SMIM23: variants seen among roughly 807,000 people sequenced by gnomAD.
SMIM23 encodes CTB-78H18.1.
SMIM23 carries 10 observed loss-of-function variants against 12.8 expected under a neutral mutation model. The ratio of observed to expected loss-of-function variants is 0.78; its 90% confidence interval spans 0.48 to 1.32. The LOEUF (loss-of-function observed/expected upper bound fraction) is 1.32. Among genes scored for constraint, SMIM23 ranks in the 40% most tolerant of loss-of-function variants. The pLI is 0.00. For missense variants in SMIM23, 184 were observed against 198.2 expected, an observed-to-expected ratio of 0.93 and a Z score of 0.43; for synonymous variants, 78 against 80.1, an observed-to-expected ratio of 0.97 and a Z score of 0.14.
chr5:171,783,169 A>C (rs1755756585), upstream of SMIM23, among the ~76,000 whole-genome samples: 1 of 152,254 alleles, frequency 6.6e-6, no homozygotes, highest in Admixed American at 6.5e-5. Context: ...CGGAAGACCT[A>C]AATAAATGAA....
At chr5:171,783,807 A>G (rs1385592404), upstream of SMIM23, among the ~76,000 whole-genome samples, 5 of 152,264 alleles carry the variant, frequency 3.3e-5, no homozygotes, top group Admixed American at 2.0e-4. Flanking sequence ...CATATATCCT[A>G]AGAAGGACTA....
At chr5:171,781,280 T>C (rs1755721281), upstream of SMIM23, among the ~76,000 whole-genome samples, 1 of 152,228 alleles carries the variant, frequency 6.6e-6, no homozygotes, top group Non-Finnish European at 1.5e-5. Context: ...CCAATCATGT[T>C]CAAGATGGCG....
chr5:171,779,545 T>A (rs745796736), upstream of SMIM23, among the ~76,000 whole-genome samples: 12 of 152,240 alleles, frequency 7.9e-5, no homozygotes, highest in South Asian at 2.5e-3. Flanking sequence ...TCTTCTCCCC[T>A]CCAGCTAGCC....
upstream of SMIM23, among the ~76,000 whole-genome samples, chr5:171,778,212 C>T (rs557365336): frequency 9.4e-4 from 143 of 152,146 alleles, 4 homozygotes; most frequent in African/African-American, 3.3e-3. Context: ...CAAAAATTTG[C>T]CAAGCATGAT....
chr5:171,790,577 G>A, intron 3 of SMIM23, 28 bp downstream of exon 3: 1 of 1,532,562 alleles, frequency 6.5e-7, no homozygotes. Flanking sequence ...GTACTGAGGT[G>A]AGGCAATCTG....
upstream of SMIM23, among the ~76,000 whole-genome samples, chr5:171,784,348 AC>A (rs1290692483): frequency 6.6e-6 from 1 of 152,112 alleles, no homozygotes; most frequent in Non-Finnish European, 1.5e-5. Flanking sequence ...TACTAAAAAT[AC>A]AAAAAATTAG....
At chr5:171,774,552 G>C in the SMIM23 span, 2 of 456,126 alleles carry the variant, frequency 4.4e-6, no homozygotes, top group South Asian at 3.1e-5. Context: ...GAAGTTCCTT[G>C]CGGGTTTATC....
the SMIM23 span, chr5:171,774,722 A>T: frequency 2.5e-6 from 1 of 406,360 alleles, no homozygotes; most frequent in Non-Finnish European, 4.9e-6. Flanking sequence ...TCCTTATAAA[A>T]GCACAACCTG....
intron 1 of SMIM23, among the ~76,000 whole-genome samples, chr5:171,788,547 G>A (rs574025161): frequency 6.6e-6 from 1 of 152,006 alleles, no homozygotes; most frequent in South Asian, 2.1e-4. Context: ...ACTCTTACAG[G>A]CATTAAAAGA....
chr5:171,789,571 T>C (rs1040029529), intron 1 of SMIM23, among the ~76,000 whole-genome samples: 1 of 152,218 alleles, frequency 6.6e-6, no homozygotes, highest in Non-Finnish European at 1.5e-5. Context: ...TCTATGTTCA[T>C]ATAAAATAAA....
At chr5:171,790,729 G>A in intron 3 of SMIM23, 66 bp from the exon 4 acceptor site, 1 of 1,515,390 alleles carries the variant, frequency 6.6e-7, no homozygotes, top group Non-Finnish European at 8.8e-7. Context: ...TTTGAAACCA[G>A]TGGGGATGGG....
At chr5:171,789,508 C>T (rs947191213) in intron 1 of SMIM23, among the ~76,000 whole-genome samples, 1 of 152,158 alleles carries the variant, frequency 6.6e-6, no homozygotes, top group Non-Finnish European at 1.5e-5. Context: ...TAGCCCCAAA[C>T]TGGAAACAAG....
Position 171,785,904 on chromosome 5 carries a change from G to T in SMIM23, c.33G>T (p.Gln11His). 1 of 1,536,266 alleles carries T rather than the reference G, an allele frequency of 6.5e-7. No individual in the cohort carries two copies. Among genetic ancestry groups the T allele is most frequent in the Non-Finnish European group, 8.7e-7 (1 of 1,146,932 alleles). Residue 11 changes from glutamine (Q) to histidine (H), a missense_variant, in exon 1 of 4, where the codon CAG (glutamine) becomes CAT (histidine). By Grantham distance (24) the Gln-to-His change is conservative. Coordinates refer to ENST00000523047, the MANE Select transcript of SMIM23 (RefSeq NM_001289970.2). The part of the protein sequence containing the change: MATQQVDSRR[Q>H]VAAEQVAAQL... ...CCCAGCAAGTGGACAGCAGAAGGCA[G>T]GTGGCAGCAGAGCAGGTGGCAGCCC... is the stretch of plus-strand genomic sequence containing the variant.
At chr5:171,788,840 GA>G (rs960175146) in intron 1 of SMIM23, among the ~76,000 whole-genome samples, 2 of 151,650 alleles carry the variant, frequency 1.3e-5, no homozygotes, top group African/African-American at 4.9e-5. Flanking sequence ...CAAACGTGTA[GA>G]AAAAAAAATT....
At chr5:171,780,123 T>C (rs777526764), upstream of SMIM23, among the ~76,000 whole-genome samples, 7 of 152,156 alleles carry the variant, frequency 4.6e-5, no homozygotes, top group African/African-American at 7.2e-5. Flanking sequence ...TCTCCACTTA[T>C]TAGGTTTGGG....
At chr5:171,782,726 G>A (rs1032326892), upstream of SMIM23, 4 of 152,234 alleles carry the variant, frequency 2.6e-5, no homozygotes, top group South Asian at 2.1e-4. Flanking sequence ...AGAGCCTGCA[G>A]TTTGAGACCG....
upstream of SMIM23, among the ~76,000 whole-genome samples, chr5:171,777,775 C>A (rs1197089122): frequency 1.3e-5 from 2 of 152,200 alleles, no homozygotes; most frequent in Non-Finnish European, 2.9e-5. Context: ...CAACACTCAG[C>A]TGCTCCATCC....
chr5:171,779,769 G>A (rs774563609), upstream of SMIM23, among the ~76,000 whole-genome samples: 22 of 152,080 alleles, frequency 1.4e-4, no homozygotes, highest in Non-Finnish European at 3.1e-4. Context: ...AGGAGAAAAG[G>A]AGGCAGGAGT....
At chr5:171,774,030 G>C in the SMIM23 span, 1 of 362,044 alleles carries the variant, frequency 2.8e-6, no homozygotes, top group Non-Finnish European at 5.4e-6. Context: ...TGTGTGGTTT[G>C]GTGGCTATGG....
Sources: gnomAD v4.1 joint callset for allele counts (sites outside exome capture counted in the v4.1 genomes callset) on GRCh38, gnomAD v4.1.1 for gene constraint, MANE v1.5 for transcripts, NCBI Gene and HGNC (gene_info 2026-07-23, HGNC 2026-07-21) for gene names.